FAM91A1: variants seen among roughly 807,000 people sequenced by gnomAD.
FAM91A1 encodes the protein protein FAM91A1.
In FAM91A1, 41 loss-of-function variants were observed where a neutral mutation model predicts 113.5. The ratio of observed to expected loss-of-function variants is 0.36; its 90% confidence interval spans 0.28 to 0.47. The LOEUF is 0.47. FAM91A1 is among the 20% of genes least tolerant of loss of function. FAM91A1 has a pLI of 1.00. For synonymous variants in FAM91A1, 307 were observed against 347.9 expected (o/e 0.88, Z 1.31); for missense variants, 696 against 1,001.2 (o/e 0.70, Z 4.11).
chr8:123,771,482 T>A (rs370496626), intron 1 of FAM91A1, among the ~76,000 whole-genome samples: 10 of 152,284 alleles, frequency 6.6e-5, no homozygotes, highest in African/African-American at 1.9e-4. Flanking sequence ...TTTAGATTTT[T>A]AAAAAATGTA....
Position 123,780,088 on chromosome 8 carries a change from T to C in FAM91A1, c.640+13T>C. 1 of 1,601,156 alleles carries C rather than the reference T, an allele frequency of 6.2e-7. No individual in the cohort carries two copies. The highest frequency in any genetic ancestry group is 8.5e-7 in the Non-Finnish European group (1 of 1,173,026). On this transcript the variant is annotated intron_variant, in intron 7 of 23. Transcript: ENST00000334705. ...AATGTAGTACATAGTAAGTGGTTAG[T>C]AGAAATGGTCTTTTGTCAACATAAA...
At chr8:123,805,407 G>C (rs1262284770) in intron 19 of FAM91A1, 68 bp downstream of exon 19, 2 of 1,222,460 alleles carry the variant, frequency 1.6e-6, no homozygotes, top group Non-Finnish European at 2.3e-6. Context: ...ACAGTTTGGT[G>C]GAAAACATGG....
intron 12 of FAM91A1, 27 bp from the exon 13 acceptor site, chr8:123,787,234 T>C (rs1444898423): frequency 4.0e-6 from 6 of 1,504,352 alleles, no homozygotes; most frequent in African/African-American, 1.4e-5. Context: ...TTCCATTTAC[T>C]TGATTTTAAA....
At chr8:123,781,872 C>T (rs1815133232) in intron 8 of FAM91A1, among the ~76,000 whole-genome samples, 1 of 152,134 alleles carries the variant, frequency 6.6e-6, no homozygotes, top group African/African-American at 2.4e-5. Context: ...TAACAAAATA[C>T]TAGTTTTAAA....
chr8:123,807,808 T>A (rs984334917), intron 20 of FAM91A1, among the ~76,000 whole-genome samples: 1 of 152,176 alleles, frequency 6.6e-6, no homozygotes, highest in Non-Finnish European at 1.5e-5. Flanking sequence ...GAGAAGTAGA[T>A]AAGGTCTAAG....
Position 123,812,603 on chromosome 8 carries a change from C to G in FAM91A1, c.2416C>G (p.Pro806Ala). Reference sequence around the variant, plus strand: ...GTCATCGTGTGCTGACATGGGTGTTCCACTTCCTGCAAAAAACTTAATATT... The same window carrying G: ...GTCATCGTGTGCTGACATGGGTGTTGCACTTCCTGCAAAAAACTTAATATT... ...SQSSCADMGVPLPAKNLIFKD... is the reference protein window; with the variant it reads ...SQSSCADMGVALPAKNLIFKD... Residue 806 changes from proline to alanine, a missense_variant, in exon 24 of 24, where the codon CCA (proline) becomes GCA (alanine). Transcript: ENST00000334705. 1 of 1,611,582 alleles carries G rather than the reference C, an allele frequency of 6.2e-7. No homozygotes were observed. Among genetic ancestry groups the G allele is most frequent in the Non-Finnish European group, 8.5e-7 (1 of 1,178,876 alleles).
At chr8:123,806,014 T>C in intron 19 of FAM91A1, 66 bp from the exon 20 acceptor site, 1 of 1,394,178 alleles carries the variant, frequency 7.2e-7, no homozygotes. Context: ...TAATAAAGTA[T>C]GTTTAAGCTG....
intron 23 of FAM91A1, chr8:123,810,630 T>C (rs1414435293): frequency 1.5e-5 from 7 of 479,054 alleles, no homozygotes; most frequent in East Asian, 1.2e-4. Flanking sequence ...ATGCTAGGTG[T>C]TAGTTTTTGG....
chr8:123,800,205 G>C (rs1247976050), intron 18 of FAM91A1, among the ~76,000 whole-genome samples: 2 of 151,630 alleles, frequency 1.3e-5, no homozygotes, highest in Admixed American at 1.3e-4. Context: ...AGACCCCCAG[G>C]GGTTGCCTGA....
intron 14 of FAM91A1, chr8:123,788,068 AT>A: frequency 2.3e-5 from 13 of 567,042 alleles, no homozygotes; most frequent in South Asian, 7.7e-5. Context: ...TAGCCTTTCA[AT>A]TTTTTTTCTG....
intron 1 of FAM91A1, among the ~76,000 whole-genome samples, chr8:123,769,513 G>A (rs1436386746): frequency 6.6e-6 from 1 of 152,142 alleles, no homozygotes; most frequent in East Asian, 1.9e-4. Context: ...CAGACAAGAT[G>A]GGTTTATCAG....
intron 2 of FAM91A1, 143 bp from the exon 3 acceptor site, chr8:123,775,004 G>T: frequency 5.2e-6 from 4 of 776,436 alleles, no homozygotes; most frequent in Middle Eastern, 4.0e-4. Context: ...ATATTTCTTT[G>T]TTCCAACTTA....
intron 18 of FAM91A1, 102 bp from the exon 19 acceptor site, chr8:123,805,165 T>C (rs1307387157): frequency 3.5e-6 from 3 of 860,014 alleles, no homozygotes; most frequent in Non-Finnish European, 5.4e-6. Flanking sequence ...GAGGTATTAA[T>C]ATGGAATATA....
intron 2 of FAM91A1, among the ~76,000 whole-genome samples, chr8:123,774,865 T>A (rs769081670): frequency 3.3e-5 from 5 of 152,216 alleles, no homozygotes; most frequent in Non-Finnish European, 5.9e-5. Context: ...AATAAAGCTC[T>A]GTTTTGTACC....
chr8:123,783,895 G>A (rs149107885), intron 8 of FAM91A1, among the ~76,000 whole-genome samples: 2 of 152,312 alleles, frequency 1.3e-5, no homozygotes, highest in Non-Finnish European at 2.9e-5. Context: ...CCACTGGGGA[G>A]GATACCAGAA....
At chr8:123,775,747 A>G (rs181493150) in intron 3 of FAM91A1, among the ~76,000 whole-genome samples, 1 of 152,172 alleles carries the variant, frequency 6.6e-6, no homozygotes, top group Non-Finnish European at 1.5e-5. Flanking sequence ...TGGGTGGATC[A>G]TGAGGTCAGG....
At chr8:123,797,580 A>AT (rs550209593) in intron 15 of FAM91A1, among the ~76,000 whole-genome samples, 3 of 151,872 alleles carry the variant, frequency 2.0e-5, no homozygotes, top group East Asian at 1.9e-4. Context: ...CTTCCTTATG[A>AT]TTTTTTTTCT....
At position 123,786,426 on chromosome 8, in the gene FAM91A1, T is replaced by C. The variant is rs893377276; in HGVS notation, c.963-69T>C. 3 of 1,136,274 alleles carry C rather than the reference T, an allele frequency of 2.6e-6. No homozygotes were observed. The African/African-American group carries it at 4.6e-5, about 17-fold the overall frequency. The allele number at this position is 1,136,274 out of a possible 1,614,324, so 70.4% of individuals were successfully genotyped here. ...GATTGTTCATAATTTAAGTCTTAACTTCAGTAGATATTTTAATGTAAGGTC... is the reference window on the plus strand; with the variant it reads ...GATTGTTCATAATTTAAGTCTTAACCTCAGTAGATATTTTAATGTAAGGTC... On this transcript the variant is annotated intron_variant, in intron 11 of 23. Coordinates refer to ENST00000334705, the MANE Select transcript of FAM91A1 (RefSeq NM_144963.4).
intron 1 of FAM91A1, among the ~76,000 whole-genome samples, chr8:123,771,058 G>A (rs1045281665): frequency 6.6e-6 from 1 of 152,178 alleles, no homozygotes; most frequent in South Asian, 2.1e-4. Flanking sequence ...CCTTATTACT[G>A]CTGGTCTCCT....
Sources: allele counts gnomAD v4.1 joint callset (sites outside exome capture counted in the v4.1 genomes callset), GRCh38; gene constraint gnomAD v4.1.1; transcripts MANE v1.5; gene names NCBI Gene and HGNC (gene_info 2026-07-23, HGNC 2026-07-21).